MECOM: variants seen among roughly 807,000 people sequenced by gnomAD.
MECOM encodes the protein histone-lysine N-methyltransferase MECOM.
MECOM carries 13 observed loss-of-function variants against 116.3 expected under a neutral mutation model. The ratio of observed to expected loss-of-function variants is 0.11; its 90% CI spans 0.07 to 0.18. The LOEUF is 0.18. Among genes scored for constraint, MECOM ranks in the 10% least tolerant of loss-of-function variants. The pLI, the probability that MECOM is intolerant of heterozygous loss-of-function variation, is 1.00. For missense variants in MECOM, 1,299 were observed against 1,509.0 expected, an observed-to-expected ratio of 0.86 and a Z score of 2.31; for synonymous variants, 528 against 535.2, an observed-to-expected ratio of 0.99 and a Z score of 0.19.
intron 2 of MECOM, among the ~76,000 whole-genome samples, chr3:169,199,824 G>C (rs138129930): frequency 6.6e-6 from 1 of 152,028 alleles, no homozygotes; most frequent in South Asian, 2.1e-4. Flanking sequence ...GTCATTTCAT[G>C]AAACATACAC....
chr3:169,317,759 A>G (rs1192313842), intron 2 of MECOM, among the ~76,000 whole-genome samples: 1 of 152,212 alleles, frequency 6.6e-6, no homozygotes, highest in Non-Finnish European at 1.5e-5. Flanking sequence ...TCTTCACAGA[A>G]TTAGAAGAAA....
intron 2 of MECOM, among the ~76,000 whole-genome samples, chr3:169,344,593 A>C (rs1725049569): frequency 1.3e-5 from 2 of 152,178 alleles, no homozygotes; most frequent in South Asian, 4.1e-4. Flanking sequence ...CTCATCAGTA[A>C]AATGAAGGGT....
chr3:169,114,921 C>T (rs772225739), intron 8 of MECOM, among the ~76,000 whole-genome samples: 85 of 152,004 alleles, frequency 5.6e-4, no homozygotes, highest in Admixed American at 3.3e-4. Flanking sequence ...TATTTAGAAA[C>T]AATATGACCA....
intron 1 of MECOM, among the ~76,000 whole-genome samples, chr3:169,455,331 A>C (rs1476724380): frequency 6.6e-6 from 1 of 152,188 alleles, no homozygotes; most frequent in Non-Finnish European, 1.5e-5. Context: ...AGGGATATTT[A>C]TATCCATATA....
At chr3:169,485,970 A>G (rs1221571745) in intron 1 of MECOM, among the ~76,000 whole-genome samples, 2 of 97,750 alleles carry the variant, frequency 2.0e-5, no homozygotes, top group African/African-American at 9.3e-5. Flanking sequence ...TATACTATAT[A>G]TACATATATA....
intron 1 of MECOM, among the ~76,000 whole-genome samples, chr3:169,412,255 T>A (rs1328800029): frequency 7.0e-6 from 1 of 143,240 alleles, no homozygotes; most frequent in Non-Finnish European, 1.5e-5. Flanking sequence ...CACTGCACTC[T>A]AGCCTGGGCA....
intron 11 of MECOM, 37 bp downstream of exon 11, chr3:169,102,023 T>G: frequency 6.4e-7 from 1 of 1,566,094 alleles, no homozygotes; most frequent in African/African-American, 1.4e-5. Flanking sequence ...AGAGGGGAGA[T>G]TTCTGGAAAG....
chr3:169,148,219 T>C (rs1206145992), intron 2 of MECOM, among the ~76,000 whole-genome samples: 1 of 152,190 alleles, frequency 6.6e-6, no homozygotes, highest in African/African-American at 2.4e-5. Context: ...GGTGAGTCTT[T>C]GCCATTTTCT....
chr3:169,191,553 T>C (rs1747548727), intron 2 of MECOM, among the ~76,000 whole-genome samples: 1 of 142,254 alleles, frequency 7.0e-6, no homozygotes. Context: ...GGGAGGAGAA[T>C]GTAAGGAAAG....
At chr3:169,101,034 C>T in intron 11 of MECOM, 72 bp from the exon 12 acceptor site, 1 of 1,015,154 alleles carries the variant, frequency 9.9e-7, no homozygotes, top group Admixed American at 1.8e-5. Flanking sequence ...ACACAGCAGC[C>T]AGATGCTTAT....
intron 2 of MECOM, among the ~76,000 whole-genome samples, chr3:169,290,172 G>C (rs1293542550): frequency 1.3e-5 from 2 of 152,014 alleles, no homozygotes; most frequent in Non-Finnish European, 2.9e-5. Context: ...AAATCCCTTA[G>C]AAAAGACAAA....
Position 169,500,800 on chromosome 3 carries a change from A to T in MECOM, c.38-119276T>A, listed in dbSNP as rs1754432823. ...TTAATTATTCACCTACATGTATAAT[A>T]TTAGATTATGTAACATGTTGCTTAT... On this transcript the variant is annotated intron_variant, in intron 1 of 16. Coordinates refer to ENST00000651503, the MANE Select transcript of MECOM (RefSeq NM_004991.4). 2.0e-5 allele frequency among the ~76,000 whole-genome samples: 3 copies of T among 151,972 alleles called. No individual in the cohort carries two copies. In the South Asian group the frequency reaches 6.2e-4, roughly 31 times the overall value.
chr3:169,265,033 G>GAAAA (rs61350095), intron 2 of MECOM, among the ~76,000 whole-genome samples: 2 of 138,638 alleles, frequency 1.4e-5, no homozygotes, highest in Non-Finnish European at 3.1e-5. Flanking sequence ...CAGCAAAACA[G>GAAAA]AAAAAAAAAA....
chr3:169,632,002 T>C (rs544736689), intron 1 of MECOM, among the ~76,000 whole-genome samples: 4 of 152,220 alleles, frequency 2.6e-5, no homozygotes, highest in Admixed American at 2.6e-4. Flanking sequence ...TTTGAATCTT[T>C]CTCTACCATG....
At chr3:169,345,773 T>C (rs1269280398) in intron 2 of MECOM, among the ~76,000 whole-genome samples, 2 of 152,050 alleles carry the variant, frequency 1.3e-5, no homozygotes, top group Non-Finnish European at 2.9e-5. Context: ...AATAGACAGT[T>C]TGCCCAGCCA....
At position 169,184,249 on chromosome 3, in the gene MECOM, G is replaced by C. The variant is rs1468307264; in HGVS notation, c.376-40417C>G. ...TACAAGAGTAAGATTTGTGTTGAAT[G>C]ACCAGGAATTTGCCTGGTAGAGAAG... On this transcript the variant is annotated intron_variant, in intron 2 of 16. Transcript: ENST00000651503. Among the ~76,000 whole-genome samples the C allele has an allele frequency of 2.0e-5, 3 of 152,138 alleles. No homozygotes were observed. In the East Asian group the frequency reaches 5.8e-4, roughly 29 times the overall value.
chr3:169,297,657 T>A (rs1369814229), intron 2 of MECOM, among the ~76,000 whole-genome samples: 2 of 152,106 alleles, frequency 1.3e-5, no homozygotes, highest in African/African-American at 4.8e-5. Context: ...TTAAAAAAAA[T>A]CATTTTTTCT....
At chr3:169,175,013 A>G (rs1230547785) in intron 2 of MECOM, among the ~76,000 whole-genome samples, 1 of 152,172 alleles carries the variant, frequency 6.6e-6, no homozygotes, top group Admixed American at 6.5e-5. Flanking sequence ...CCCATCTGGT[A>G]TAGAGAATAG....
intron 1 of MECOM, among the ~76,000 whole-genome samples, chr3:169,612,445 C>T (rs1560493746): frequency 6.6e-6 from 1 of 152,120 alleles, no homozygotes. Context: ...AAGTGTAATG[C>T]ACTTTGCCAA....
Sources: allele counts gnomAD v4.1 joint callset (sites outside exome capture counted in the v4.1 genomes callset), GRCh38; gene constraint gnomAD v4.1.1; transcripts MANE v1.5; gene names NCBI Gene and HGNC (gene_info 2026-07-23, HGNC 2026-07-21).